The following NRG1 variants were observed in gnomAD, a reference collection of about 807,000 sequenced individuals.
NRG1 encodes neuregulin 1.
A neutral mutation model predicts 63.8 loss-of-function variants in NRG1; 18 were observed. The observed-to-expected ratio is 0.28, with a 90% confidence interval of 0.19 to 0.42. The LOEUF (loss-of-function observed/expected upper bound fraction) is 0.42, where lower values mean the gene tolerates loss of function less well. Among genes scored for constraint, NRG1 ranks in the 10% least tolerant of loss-of-function variants. The pLI is 1.00. For synonymous variants in NRG1, 302 were observed against 301.3 expected (o/e 1.00, Z -0.02); for missense variants, 762 against 814.7 (o/e 0.94, Z 0.79).
At chr8:31,691,588 C>T (rs1350857450) in intron 1 of NRG1, among the ~76,000 whole-genome samples, 1 of 71,746 alleles carries the variant, frequency 1.4e-5, no homozygotes, top group Non-Finnish European at 2.4e-5. Context: ...GAGTGAGACT[C>T]TGTCTCAAAA....
chr8:31,940,807 G>T (rs1056075865), intron 1 of NRG1, among the ~76,000 whole-genome samples: 1 of 152,028 alleles, frequency 6.6e-6, no homozygotes, highest in Non-Finnish European at 1.5e-5. Flanking sequence ...AGGGGAGATG[G>T]ATAAATTCCT....
At chr8:32,750,958 A>C (rs1828612420) in intron 7 of NRG1, 1 of 152,172 alleles carries the variant, frequency 6.6e-6, no homozygotes, top group East Asian at 1.9e-4. Context: ...CAGGGAGGGA[A>C]AAAATTCTAC....
At chr8:31,685,875 C>A (rs965356766) in intron 1 of NRG1, among the ~76,000 whole-genome samples, 3 of 152,014 alleles carry the variant, frequency 2.0e-5, no homozygotes, top group African/African-American at 7.2e-5. Context: ...ATTGATATAT[C>A]ATGTTGGTCT....
At chr8:32,249,822 G>A (rs550500498) in intron 1 of NRG1, among the ~76,000 whole-genome samples, 117 of 152,240 alleles carry the variant, frequency 7.7e-4, no homozygotes, top group African/African-American at 2.7e-3. Context: ...GATGCACTAG[G>A]TCATTAAAGA....
chr8:32,063,403 T>G (rs1432912484), intron 1 of NRG1: 2 of 152,162 alleles, frequency 1.3e-5, no homozygotes, highest in African/African-American at 4.8e-5. Flanking sequence ...GATTCCACAT[T>G]ACTAGTTATT....
chr8:31,710,735 C>T (rs1429859018), intron 1 of NRG1, among the ~76,000 whole-genome samples: 1 of 151,964 alleles, frequency 6.6e-6, no homozygotes, highest in Non-Finnish European at 1.5e-5. Flanking sequence ...TCTAGCTATT[C>T]TTTTAAACAG....
intron 5 of NRG1, among the ~76,000 whole-genome samples, chr8:32,621,833 T>C (rs1848393273): frequency 1.3e-5 from 2 of 152,178 alleles, no homozygotes; most frequent in African/African-American, 4.8e-5. Context: ...CACAGCAGCA[T>C]TTAACCCCAG....
intron 1 of NRG1, among the ~76,000 whole-genome samples, chr8:32,156,013 G>A (rs566778217): frequency 6.6e-6 from 1 of 152,224 alleles, no homozygotes; most frequent in East Asian, 1.9e-4. Flanking sequence ...TGTTTCAGGT[G>A]CTAAATTTGG....
At chr8:32,026,192 C>T (rs1325173804) in intron 1 of NRG1, 12 of 151,610 alleles carry the variant, frequency 7.9e-5, no homozygotes, top group African/African-American at 2.9e-4. Context: ...CCTCAGACCC[C>T]GGAGTAGCCG....
intron 1 of NRG1, among the ~76,000 whole-genome samples, chr8:31,875,834 G>A (rs1172860360): frequency 6.6e-6 from 1 of 152,118 alleles, no homozygotes; most frequent in Non-Finnish European, 1.5e-5. Context: ...ATTCCCCTGA[G>A]GAATTAGAGA....
chr8:32,484,006 G>A, intron 1 of NRG1, among the ~76,000 whole-genome samples: 1 of 151,932 alleles, frequency 6.6e-6, no homozygotes, highest in Non-Finnish European at 1.5e-5. Context: ...GGGAGGCTGA[G>A]GCAGAAGAAT....
At chr8:32,316,252 C>T (rs1246843429) in intron 1 of NRG1, among the ~76,000 whole-genome samples, 1 of 152,076 alleles carries the variant, frequency 6.6e-6, no homozygotes, top group East Asian at 1.9e-4. Context: ...CCGAGGTGGG[C>T]AGATCAGGAA....
intron 1 of NRG1, among the ~76,000 whole-genome samples, chr8:31,853,217 A>T: frequency 6.6e-6 from 1 of 152,090 alleles, no homozygotes; most frequent in East Asian, 1.9e-4. Flanking sequence ...GGTCATTTTC[A>T]CGATATTGAT....
intron 7 of NRG1, among the ~76,000 whole-genome samples, chr8:32,748,339 G>GCACACACA (rs879033032): frequency 6.2e-5 from 8 of 128,352 alleles, no homozygotes; most frequent in Non-Finnish European, 1.2e-4. Context: ...GCGCGCGCGC[G>GCACACACA]CACACACACA....
chr8:32,202,021 T>C (rs1843545654), intron 1 of NRG1, among the ~76,000 whole-genome samples: 2 of 152,200 alleles, frequency 1.3e-5, no homozygotes, highest in Admixed American at 6.6e-5. Context: ...TTGCTGCATA[T>C]TGATTAGCTC....
intron 1 of NRG1, among the ~76,000 whole-genome samples, chr8:32,505,153 A>G (rs1029108222): frequency 6.6e-6 from 1 of 152,146 alleles, no homozygotes; most frequent in African/African-American, 2.4e-5. Context: ...GACAAACAGT[A>G]AATTCTTCTG....
At chr8:32,267,241 T>C (rs1422383120) in intron 1 of NRG1, among the ~76,000 whole-genome samples, 3 of 152,148 alleles carry the variant, frequency 2.0e-5, no homozygotes, top group East Asian at 3.9e-4. Flanking sequence ...CACACTGTAA[T>C]GTAAAATGAT....
At chr8:31,857,623 A>G (rs1447815710) in intron 1 of NRG1, among the ~76,000 whole-genome samples, 1 of 152,202 alleles carries the variant, frequency 6.6e-6, no homozygotes, top group Non-Finnish European at 1.5e-5. Context: ...CTATTCGGCC[A>G]TCTTGGCTTC....
chr8:31,696,662 G>A (rs1051564126), intron 1 of NRG1, among the ~76,000 whole-genome samples: 1 of 152,174 alleles, frequency 6.6e-6, no homozygotes, highest in Non-Finnish European at 1.5e-5. Context: ...TTTTACAGAT[G>A]AGCAAACTTG....
Sources: allele counts gnomAD v4.1 joint callset (sites outside exome capture counted in the v4.1 genomes callset), GRCh38; gene constraint gnomAD v4.1.1; transcripts MANE v1.5; gene names NCBI Gene and HGNC (gene_info 2026-07-23, HGNC 2026-07-21).